The following PRELID2 variants were observed in gnomAD, a reference collection of about 807,000 sequenced individuals.
PRELID2 encodes the protein PRELI domain-containing protein 2.
In PRELID2, 25 loss-of-function variants were observed where a neutral mutation model predicts 28.4. The observed-to-expected ratio is 0.88, with a 90% CI of 0.64 to 1.23. PRELID2 has a LOEUF of 1.23. PRELID2 is among the 50% of genes most tolerant of loss of function. The pLI, the probability that PRELID2 is intolerant of heterozygous loss-of-function variation, is 0.00. For missense variants in PRELID2, 201 were observed against 214.4 expected, an observed-to-expected ratio of 0.94 and a Z score of 0.39; for synonymous variants, 76 against 71.6, an observed-to-expected ratio of 1.06 and a Z score of -0.31.
At chr5:145,703,776 A>G (rs1755472074) in intron 1 of PRELID2, 1 of 152,010 alleles carries the variant, frequency 6.6e-6, no homozygotes, top group African/African-American at 2.4e-5. Context: ...CACACAACAA[A>G]TTTCCCCTGC....
chr5:145,488,471 T>A (rs1752241658), intron 1 of PRELID2, among the ~76,000 whole-genome samples: 1 of 152,064 alleles, frequency 6.6e-6, no homozygotes, highest in Non-Finnish European at 1.5e-5. Context: ...TCAGTTAGAG[T>A]TGGGTTTCTG....
chr5:145,780,709 A>G (rs1203504001), intron 5 of PRELID2, among the ~76,000 whole-genome samples: 6 of 152,250 alleles, frequency 3.9e-5, no homozygotes, highest in South Asian at 2.1e-4. Context: ...TCAGAGAATA[A>G]TAGAAAAACC....
the PRELID2 span, among the ~76,000 whole-genome samples, chr5:145,278,234 G>A: frequency 6.6e-6 from 1 of 152,144 alleles, no homozygotes; most frequent in Non-Finnish European, 1.5e-5. Context: ...TGGTGCATTA[G>A]TTATCTATTG....
intron 1 of PRELID2, among the ~76,000 whole-genome samples, chr5:145,824,467 ATTGAT>A (rs1364327481): frequency 2.6e-4 from 13 of 49,680 alleles, no homozygotes; most frequent in African/African-American, 4.5e-4. Flanking sequence ...TGTGTGTGAT[ATTGAT>A]TTATTAATGG....
At chr5:145,693,402 C>A (rs893710941) in intron 1 of PRELID2, among the ~76,000 whole-genome samples, 2 of 151,940 alleles carry the variant, frequency 1.3e-5, no homozygotes, top group African/African-American at 4.8e-5. Flanking sequence ...CCTGCCTCGG[C>A]CTCCCAAAGT....
intron 1 of PRELID2, among the ~76,000 whole-genome samples, chr5:145,740,958 AT>A (rs1756695967): frequency 1.1e-4 from 1 of 8,942 alleles, no homozygotes; most frequent in Non-Finnish European, 6.6e-4. Flanking sequence ...TTATCTATAA[AT>A]AAAGTATATA....
At chr5:145,288,619 C>T in the PRELID2 span, among the ~76,000 whole-genome samples, 2 of 152,098 alleles carry the variant, frequency 1.3e-5, no homozygotes, top group Non-Finnish European at 2.9e-5. Flanking sequence ...TACTGAGTAT[C>T]ATTGCTTCCA....
At chr5:145,369,995 T>A in the PRELID2 span, among the ~76,000 whole-genome samples, 1 of 151,684 alleles carries the variant, frequency 6.6e-6, no homozygotes, top group Non-Finnish European at 1.5e-5. Context: ...TTGTAAATTA[T>A]CTTTTCTTGT....
Position 145,673,092 on chromosome 5 carries a change from A to T in PRELID2, n.70+91839T>A, listed in dbSNP as rs2149684288. On this transcript the variant is annotated intron_variant and non_coding_transcript_variant, in intron 1 of 2. Coordinates refer to the PRELID2 transcript ENST00000510259. ...TCAGAAGCAAGTCTTTAGAAGAGAG[A>T]GAACCACCTGAGTCAGAGATTCTGA... 2.0e-5 allele frequency among the ~76,000 whole-genome samples: 3 copies of T among 152,244 alleles called. No individual in the cohort carries two copies. In the Middle Eastern group the frequency reaches 0.01, roughly 518 times the overall value.
chr5:145,265,783 C>G, the PRELID2 span, among the ~76,000 whole-genome samples: 11 of 152,182 alleles, frequency 7.2e-5, no homozygotes, highest in Admixed American at 5.2e-4. Flanking sequence ...ACTGGATTAT[C>G]ATCTCTCACA....
At chr5:145,583,097 T>C (rs1753121857) in intron 1 of PRELID2, among the ~76,000 whole-genome samples, 1 of 152,128 alleles carries the variant, frequency 6.6e-6, no homozygotes, top group Non-Finnish European at 1.5e-5. Context: ...TCCACCATGA[T>C]CAAGTTGGCT....
the PRELID2 span, among the ~76,000 whole-genome samples, chr5:145,316,869 C>G: frequency 6.6e-6 from 1 of 152,216 alleles, no homozygotes; most frequent in African/African-American, 2.4e-5. Flanking sequence ...CAAATGATGT[C>G]TCATTTCATC....
At chr5:145,295,555 A>G in the PRELID2 span, among the ~76,000 whole-genome samples, 1 of 152,122 alleles carries the variant, frequency 6.6e-6, no homozygotes, top group East Asian at 1.9e-4. Flanking sequence ...ACACAAGGCA[A>G]CTCCACAATG....
chr5:145,541,060 T>C (rs1387962545), intron 1 of PRELID2, among the ~76,000 whole-genome samples: 1 of 151,960 alleles, frequency 6.6e-6, no homozygotes, highest in Admixed American at 6.6e-5. Context: ...GTGTAGATAA[T>C]TTCTGAAGCA....
intron 1 of PRELID2, among the ~76,000 whole-genome samples, chr5:145,561,583 G>T (rs563983995): frequency 3.3e-4 from 50 of 152,328 alleles, no homozygotes; most frequent in Non-Finnish European, 7.2e-4. Flanking sequence ...TTGAGTCCAT[G>T]CATGTCCTTG....
the PRELID2 span, among the ~76,000 whole-genome samples, chr5:145,414,385 C>A: frequency 6.6e-6 from 1 of 152,148 alleles, no homozygotes. Flanking sequence ...AAGTAACCCC[C>A]CAGGCCTGCT....
chr5:145,835,173 G>C lies in PRELID2; in HGVS notation c.75+4C>G. The C allele has an allele frequency of 1.3e-6, 2 of 1,545,222 alleles. No individual in the cohort carries two copies. The highest frequency in any genetic ancestry group is 8.8e-7 in the Non-Finnish European group (1 of 1,141,934). On this transcript the variant is annotated splice_donor_region_variant and intron_variant, in intron 1 of 6. Coordinates refer to ENST00000683046, the MANE Select transcript of PRELID2 (RefSeq NM_205846.3). ...GGATACGGAAGGTGGAAGCGGGGCGGTACCTTTCGGAGAAAGCTGGCGACC... is the reference window on the plus strand; with the variant it reads ...GGATACGGAAGGTGGAAGCGGGGCGCTACCTTTCGGAGAAAGCTGGCGACC...
intron 1 of PRELID2, among the ~76,000 whole-genome samples, chr5:145,656,667 C>T: frequency 6.6e-6 from 1 of 150,388 alleles, no homozygotes; most frequent in African/African-American, 2.5e-5. Context: ...AAACCAAACA[C>T]CGCATGTTCT....
At chr5:145,828,832 C>CTT (rs67543120) in intron 1 of PRELID2, among the ~76,000 whole-genome samples, 640 of 68,202 alleles carry the variant, frequency 9.4e-3, no homozygotes, top group East Asian at 0.021. Context: ...TGAAAAAAAT[C>CTT]TTTTTTTTTT....
Sources: gnomAD v4.1 joint callset for allele counts (sites outside exome capture counted in the v4.1 genomes callset) on GRCh38, gnomAD v4.1.1 for gene constraint, MANE v1.5 for transcripts, NCBI Gene and HGNC (gene_info 2026-07-23, HGNC 2026-07-21) for gene names.